Variants in METTL15 observed in about 807,000 individuals in gnomAD.
METTL15 encodes 12S rRNA N(4)-cytidine methyltransferase METTL15.
In METTL15, 34 loss-of-function variants were observed where a neutral mutation model predicts 38.3. The ratio of observed to expected loss-of-function variants is 0.89; its 90% CI spans 0.68 to 1.18. The LOEUF (loss-of-function observed/expected upper bound fraction) is 1.18, where lower values mean the gene tolerates loss of function less well. METTL15 is among the 50% of genes most tolerant of loss of function. The pLI, the probability that METTL15 is intolerant of heterozygous loss-of-function variation, is 0.00. For synonymous variants in METTL15, 162 were observed against 170.9 expected (o/e 0.95, Z 0.41); for missense variants, 438 against 498.4 (o/e 0.88, Z 1.15).
intron 4 of METTL15, among the ~76,000 whole-genome samples, chr11:28,216,148 C>A (rs6484354): frequency 1 from 151,593 of 152,162 alleles, 75,519 homozygotes; most frequent in Non-Finnish European, 1. Context: ...GGATGATGTG[C>A]TCCTTAGTTT....
chr11:28,416,117 A>G (rs1850770190), intron 5 of METTL15, among the ~76,000 whole-genome samples: 1 of 152,240 alleles, frequency 6.6e-6, no homozygotes. Context: ...TTCTCACCCA[A>G]GCGTAGTACC....
chr11:28,256,083 A>G (rs1271591677), intron 4 of METTL15, among the ~76,000 whole-genome samples: 2 of 152,096 alleles, frequency 1.3e-5, no homozygotes, highest in African/African-American at 4.8e-5. Flanking sequence ...TTTTTAATGT[A>G]TTGTTGAATT....
At chr11:28,283,101 A>G (rs535761781) in intron 4 of METTL15, among the ~76,000 whole-genome samples, 2 of 152,304 alleles carry the variant, frequency 1.3e-5, no homozygotes, top group South Asian at 4.1e-4. Context: ...TTTATTTAAT[A>G]CTATTGGTTA....
intron 4 of METTL15, among the ~76,000 whole-genome samples, chr11:28,237,053 CT>C (rs1854021779): frequency 1.3e-5 from 2 of 152,184 alleles, no homozygotes; most frequent in African/African-American, 4.8e-5. Context: ...TTCATTTCAA[CT>C]TTGGTGAATC....
intron 3 of METTL15, among the ~76,000 whole-genome samples, chr11:28,136,297 T>C (rs146230508): frequency 6.6e-6 from 1 of 152,304 alleles, no homozygotes; most frequent in African/African-American, 2.4e-5. Context: ...TTCCCTATAC[T>C]GTTCTCATAG....
chr11:28,509,422 C>A (rs150463009), intron 6 of METTL15, among the ~76,000 whole-genome samples: 1 of 151,810 alleles, frequency 6.6e-6, no homozygotes, highest in East Asian at 1.9e-4. Flanking sequence ...AACAACTGCC[C>A]AGTCCTGGAA....
chr11:28,398,296 A>G (rs896853365), intron 5 of METTL15, among the ~76,000 whole-genome samples: 4 of 151,580 alleles, frequency 2.6e-5, no homozygotes, highest in African/African-American at 9.7e-5. Context: ...AAATTGATAA[A>G]CCATAAAAAG....
intron 3 of METTL15, among the ~76,000 whole-genome samples, chr11:28,134,951 T>C (rs1849467112): frequency 6.6e-6 from 1 of 152,146 alleles, no homozygotes; most frequent in South Asian, 2.1e-4. Context: ...TTTACTCTTA[T>C]CATATGGTAG....
chr11:28,206,178 T>TA (rs1237321321), intron 3 of METTL15, among the ~76,000 whole-genome samples: 3 of 150,968 alleles, frequency 2.0e-5, no homozygotes, highest in African/African-American at 7.4e-5. Context: ...ATGAAATCCT[T>TA]AGCCATGCCT....
chr11:28,485,303 A>G (rs1235238148), intron 6 of METTL15, among the ~76,000 whole-genome samples: 1 of 152,216 alleles, frequency 6.6e-6, no homozygotes, highest in African/African-American at 2.4e-5. Flanking sequence ...TATAATAATG[A>G]CAATAACTAT....
At chr11:28,354,280 C>T (rs1016661343) in intron 4 of METTL15, among the ~76,000 whole-genome samples, 2 of 152,114 alleles carry the variant, frequency 1.3e-5, no homozygotes, top group African/African-American at 4.8e-5. Context: ...ACCCTTTTTC[C>T]CCTTTGCCTT....
At chr11:28,362,629 A>T (rs1193156243) in intron 5 of METTL15, among the ~76,000 whole-genome samples, 2 of 152,206 alleles carry the variant, frequency 1.3e-5, no homozygotes, top group African/African-American at 4.8e-5. Flanking sequence ...AGAATAATGA[A>T]TGGTCTTCAG....
chr11:28,172,321 T>C (rs531616960), intron 3 of METTL15, among the ~76,000 whole-genome samples: 1 of 152,296 alleles, frequency 6.6e-6, no homozygotes, highest in South Asian at 2.1e-4. Flanking sequence ...TGTATTATTC[T>C]AGGGTTGATT....
chr11:28,529,752 C>T (rs1026789142), downstream of METTL15, among the ~76,000 whole-genome samples: 1 of 151,980 alleles, frequency 6.6e-6, no homozygotes, highest in Non-Finnish European at 1.5e-5. Flanking sequence ...TGCCATAATC[C>T]TTAGCTCTAT....
chr11:28,214,832 T>A (rs115336675), intron 4 of METTL15, among the ~76,000 whole-genome samples: 17 of 152,292 alleles, frequency 1.1e-4, no homozygotes, highest in African/African-American at 3.6e-4. Context: ...AGTAAGATGA[T>A]AAGATGTTTA....
intron 5 of METTL15, among the ~76,000 whole-genome samples, chr11:28,390,684 G>T (rs935651198): frequency 1.4e-4 from 21 of 152,066 alleles, no homozygotes; most frequent in Admixed American, 5.2e-4. Flanking sequence ...CTTTGTTCTT[G>T]TGGCTTAGGA....
chr11:28,217,353 A>C (rs1852936111), intron 4 of METTL15, among the ~76,000 whole-genome samples: 1 of 152,240 alleles, frequency 6.6e-6, no homozygotes, highest in South Asian at 2.1e-4. Flanking sequence ...GGCTGCATAA[A>C]TGTCTTCTTT....
At chr11:28,375,624 G>C (rs1850301368) in intron 5 of METTL15, among the ~76,000 whole-genome samples, 1 of 151,990 alleles carries the variant, frequency 6.6e-6, no homozygotes. Context: ...CCAGCTCCTG[G>C]TTTCATTAAT....
chr11:28,444,949 C>G (rs529794368), intron 6 of METTL15, among the ~76,000 whole-genome samples: 24 of 152,164 alleles, frequency 1.6e-4, no homozygotes, highest in Non-Finnish European at 2.1e-4. Flanking sequence ...TCAGGTGGGG[C>G]TTGCTGTATG....
Sources: gnomAD v4.1 joint callset for allele counts (sites outside exome capture counted in the v4.1 genomes callset) on GRCh38, gnomAD v4.1.1 for gene constraint, MANE v1.5 for transcripts, NCBI Gene and HGNC (gene_info 2026-07-23, HGNC 2026-07-21) for gene names.